Variants in THBS4 observed in about 807,000 individuals in gnomAD.
THBS4 encodes the protein thrombospondin 4, also known as thrombospondin-4.
A neutral mutation model predicts 115.7 loss-of-function variants in THBS4; 90 were observed. The ratio of observed to expected loss-of-function variants is 0.78; its 90% CI spans 0.66 to 0.93. The LOEUF (loss-of-function observed/expected upper bound fraction) is 0.93. THBS4 is among the 40% of genes least tolerant of loss of function. The pLI is 0.00. For synonymous variants in THBS4, 460 were observed against 479.3 expected, an observed-to-expected ratio of 0.96 and a Z score of 0.53; for missense variants, 1,087 against 1,232.7, an observed-to-expected ratio of 0.88 and a Z score of 1.77.
intron 1 of THBS4, among the ~76,000 whole-genome samples, chr5:79,993,980 A>T (rs948506556): frequency 6.6e-6 from 1 of 152,222 alleles, no homozygotes; most frequent in Non-Finnish European, 1.5e-5. Context: ...TGAGTTCTTG[A>T]CTTGGCCTCT....
intron 2 of THBS4, among the ~76,000 whole-genome samples, chr5:80,027,272 G>GA (rs990059015): frequency 2.0e-5 from 3 of 152,060 alleles, no homozygotes; most frequent in Admixed American, 6.6e-5. Flanking sequence ...TTTCTCACTG[G>GA]AAAAAAGAAA....
chr5:80,040,651 A>G (rs145469693), intron 2 of THBS4, among the ~76,000 whole-genome samples: 2 of 152,366 alleles, frequency 1.3e-5, no homozygotes, highest in Non-Finnish European at 2.9e-5. Flanking sequence ...GGCTTAAACA[A>G]TAGACATTTA....
At chr5:80,051,024 G>T (rs896749683) in intron 2 of THBS4, among the ~76,000 whole-genome samples, 4 of 152,100 alleles carry the variant, frequency 2.6e-5, no homozygotes, top group Non-Finnish European at 2.9e-5. Flanking sequence ...GGACAAAATG[G>T]TCATCTTCCT....
chr5:80,069,613 A>C (rs1833959364), intron 10 of THBS4, among the ~76,000 whole-genome samples: 1 of 152,216 alleles, frequency 6.6e-6, no homozygotes, highest in Non-Finnish European at 1.5e-5. Context: ...AAATAATTGA[A>C]TCTGCCAGAA....
rs367779999 is a variant in THBS4 at position 80,040,120 on chromosome 5, C to T, written c.132C>T (p.Gly44=). 4.2e-5 allele frequency: 68 copies of T among 1,614,056 alleles called. No individual in the cohort carries two copies. In the African/African-American group the frequency reaches 4.3e-4, roughly 10 times the overall value. The stretch of plus-strand genomic sequence containing the variant: ...CTTCCAGTCAGAGGCTAAACCCAGG[C>T]GCTCTGCTGCCAGTCCTGACAGACC... ...LPSSSQRLNP[G]ALLPVLTDPA... Residue 44 remains glycine (G), a synonymous_variant, in exon 2 of 22, where the codon GGC becomes GGT. Coordinates refer to ENST00000350881, the MANE Select transcript of THBS4 (RefSeq NM_003248.6).
At chr5:80,046,802 G>T (rs1050210803) in intron 2 of THBS4, among the ~76,000 whole-genome samples, 1 of 152,108 alleles carries the variant, frequency 6.6e-6, no homozygotes, top group African/African-American at 2.4e-5. Flanking sequence ...TTTTTGACAG[G>T]GCTCTGTCTT....
At chr5:80,065,586 T>C in intron 9 of THBS4, 109 bp downstream of exon 9, 1 of 826,436 alleles carries the variant, frequency 1.2e-6, no homozygotes, top group Non-Finnish European at 1.7e-6. Flanking sequence ...GGGCATAATA[T>C]ATTTGATTGG....
intron 2 of THBS4, among the ~76,000 whole-genome samples, chr5:80,006,096 T>C (rs1471543397): frequency 1.3e-5 from 2 of 152,114 alleles, no homozygotes; most frequent in Non-Finnish European, 2.9e-5. Flanking sequence ...AAGCATGTAT[T>C]ATAGTTTTCC....
intron 15 of THBS4, among the ~76,000 whole-genome samples, chr5:80,074,622 CTCTCT>C (rs911758771): frequency 7.4e-5 from 11 of 148,910 alleles, no homozygotes; most frequent in East Asian, 3.9e-4. Context: ...ACAGCTCTCT[CTCTCT>C]TTTTTTTTTT....
intron 2 of THBS4, among the ~76,000 whole-genome samples, chr5:80,045,811 G>A (rs570838126): frequency 5.9e-5 from 9 of 152,198 alleles, no homozygotes; most frequent in South Asian, 2.1e-4. Flanking sequence ...GATTACAGCC[G>A]TGAGCAACCA....
intron 12 of THBS4, 60 bp from the exon 13 acceptor site, chr5:80,070,961 A>G (rs1834025170): frequency 1.2e-5 from 19 of 1,602,862 alleles, no homozygotes; most frequent in Admixed American, 1.8e-5. Context: ...ATGCTTCACA[A>G]CAATGGAGGA....
intron 20 of THBS4, chr5:80,082,002 C>T (rs1269713088): frequency 6.2e-6 from 1 of 160,972 alleles, no homozygotes; most frequent in Non-Finnish European, 1.3e-5. Context: ...AAGGAAAAGC[C>T]AAAGTTTTTA....
At chr5:80,017,359 T>C (rs918215248) in intron 2 of THBS4, among the ~76,000 whole-genome samples, 6 of 152,092 alleles carry the variant, frequency 3.9e-5, no homozygotes, top group Non-Finnish European at 4.4e-5. Flanking sequence ...CCCAACAAAA[T>C]GTGTGTTTTT....
At chr5:80,023,497 T>C (rs1832419075) in intron 2 of THBS4, among the ~76,000 whole-genome samples, 1 of 152,202 alleles carries the variant, frequency 6.6e-6, no homozygotes, top group Admixed American at 6.5e-5. Context: ...GCTCTACTTG[T>C]TCAAAGATTG....
chr5:80,050,786 C>A (rs540305173), intron 2 of THBS4, among the ~76,000 whole-genome samples: 1 of 152,162 alleles, frequency 6.6e-6, no homozygotes, highest in African/African-American at 2.4e-5. Flanking sequence ...GGCCTGTGCC[C>A]GGGAATGAAC....
intron 2 of THBS4, among the ~76,000 whole-genome samples, chr5:79,999,396 T>C (rs932907951): frequency 1.3e-5 from 2 of 152,198 alleles, no homozygotes; most frequent in African/African-American, 4.8e-5. Flanking sequence ...TAGCCAAGTC[T>C]ACTAGGGAGC....
chr5:80,034,557 C>A (rs1561300715), upstream of THBS4, among the ~76,000 whole-genome samples: 4 of 152,174 alleles, frequency 2.6e-5, no homozygotes, highest in South Asian at 6.2e-4. Flanking sequence ...TTCCTCCGAT[C>A]TCTTTCAAGT....
chr5:80,047,377 TGTTTTGTTTG>T (rs1833102667), intron 2 of THBS4, among the ~76,000 whole-genome samples: 1 of 152,200 alleles, frequency 6.6e-6, no homozygotes, highest in Non-Finnish European at 1.5e-5. Context: ...CCCGTTTTTT[TGTTTTGTTTG>T]GTTTTGTTTT....
At chr5:80,029,957 G>A (rs1358431361) in intron 2 of THBS4, among the ~76,000 whole-genome samples, 1 of 151,986 alleles carries the variant, frequency 6.6e-6, no homozygotes, top group Non-Finnish European at 1.5e-5. Context: ...GCGACAGCGA[G>A]ACTCCATCTC....
Sources: allele counts gnomAD v4.1 joint callset (sites outside exome capture counted in the v4.1 genomes callset), GRCh38; gene constraint gnomAD v4.1.1; transcripts MANE v1.5; gene names NCBI Gene and HGNC (gene_info 2026-07-23, HGNC 2026-07-21).